The following ERCC6L variants were observed in gnomAD, a reference collection of about 807,000 sequenced individuals.
The protein encoded by ERCC6L is ERCC excision repair 6 like, spindle assembly checkpoint helicase, also known as DNA excision repair protein ERCC-6-like.
Under a neutral mutation model 20.1 loss-of-function variants are expected in ERCC6L, and 7 were observed. The observed-to-expected ratio is 0.35, with a 90% CI of 0.20 to 0.65. The LOEUF (loss-of-function observed/expected upper bound fraction) is 0.65. Among genes scored for constraint, ERCC6L ranks in the 30% least tolerant of loss-of-function variants. The pLI is 0.69. For synonymous variants in ERCC6L, 278 were observed against 331.3 expected (o/e 0.84, Z 1.75); for missense variants, 592 against 892.4 (o/e 0.66, Z 4.29).
At position 72,204,981 on chromosome X, in the gene ERCC6L, T is replaced by G; in HGVS notation, c.*33A>C. 9.1e-7 allele frequency: 1 copy of G among 1,104,331 alleles called. No homozygotes were observed. The highest frequency in any genetic ancestry group is 1.2e-6 in the Non-Finnish European group (1 of 825,583). 91.0% of individuals were successfully genotyped at this position (1,104,331 alleles called of 1,213,427 possible). A position where few individuals can be genotyped will look rare whatever the true frequency, so the allele number is the denominator to read the frequency against. On this transcript the variant is annotated 3_prime_UTR_variant, in exon 2 of 2. Coordinates refer to ENST00000334463, the MANE Select transcript of ERCC6L (RefSeq NM_017669.4). The stretch of plus-strand genomic sequence containing the variant: ...GAACAAAAATTCCCTCATATTCAGT[T>G]TCACTTTAAAATACAATAAACAGGT...
chrX:72,233,087 T>A (rs1792489495), intron 1 of ERCC6L, among the ~76,000 whole-genome samples: 1 of 111,678 alleles, frequency 9.0e-6, no homozygotes, highest in African/African-American at 3.3e-5. Flanking sequence ...AAAGGAGGAA[T>A]CAGATTGTAA....
intron 1 of ERCC6L, among the ~76,000 whole-genome samples, chrX:72,217,324 G>C (rs1210635286): frequency 8.9e-6 from 1 of 111,908 alleles, no homozygotes; most frequent in Non-Finnish European, 1.9e-5. Flanking sequence ...GGGTATAAAG[G>C]ACCTAAAAGA....
At chrX:72,215,513 T>C (rs1240275877) in intron 1 of ERCC6L, among the ~76,000 whole-genome samples, 1 of 111,753 alleles carries the variant, frequency 8.9e-6, no homozygotes, top group East Asian at 2.8e-4. Flanking sequence ...GATGGATTGA[T>C]GGAATAGATG....
intron 1 of ERCC6L, among the ~76,000 whole-genome samples, chrX:72,237,108 G>A (rs2043021214): frequency 8.9e-6 from 1 of 111,931 alleles, no homozygotes; most frequent in African/African-American, 3.2e-5. Flanking sequence ...CCCAGCAATC[G>A]GAATTCCAAA....
rs1008019916 is a variant in ERCC6L at position 72,228,737 on chromosome X, C to T, written c.68+10107G>A. On this transcript the variant is annotated intron_variant, in intron 1 of 1. Coordinates refer to ENST00000334463, the MANE Select transcript of ERCC6L (RefSeq NM_017669.4). ...TTACTCTTACCCAAATAACCTTTTTCGCTTTTTGCTTGTTTTTTTTTCAAT... is the reference window on the plus strand; with the variant it reads ...TTACTCTTACCCAAATAACCTTTTTTGCTTTTTGCTTGTTTTTTTTTCAAT... 5.4e-5 allele frequency among the ~76,000 whole-genome samples: 6 copies of T among 111,141 alleles called. No individual in the cohort carries two copies. In the East Asian group the frequency reaches 8.5e-4, roughly 16 times the overall value.
chrX:72,218,987 G>A (rs866855375), intron 1 of ERCC6L, among the ~76,000 whole-genome samples: 1 of 112,836 alleles, frequency 8.9e-6, no homozygotes, highest in Middle Eastern at 4.6e-3. Flanking sequence ...TGGGCACAGT[G>A]GCCCACGCCT....
rs2042819326 is a variant in ERCC6L, at chrX:72,206,286, G to T, written c.2481C>A (p.Asn827Lys). ...GFGSVEELCT[N>K]SSLGMEKSFA... The stretch of plus-strand genomic sequence containing the variant: ...AGCTTTTTTCCATTCCCAATGAAGA[G>T]TTAGTACAAAGTTCTTCTACACTTC... Residue 827 changes from asparagine (N) to lysine (K), a missense_variant, in exon 2 of 2, where the codon AAC becomes AAA. Around this residue, in one of 3 missense-constraint regions of ERCC6L, gnomAD observed 352 missense variants for 402.6 expected, o/e 0.87. Coordinates refer to ENST00000334463, the MANE Select transcript of ERCC6L (RefSeq NM_017669.4). 2.5e-6 allele frequency: 3 copies of T among 1,208,431 alleles called. No individual in the cohort carries two copies. The East Asian group carries it at 8.9e-5, about 36-fold the overall frequency.
At chrX:72,234,434 G>A (rs1442962222) in intron 1 of ERCC6L, among the ~76,000 whole-genome samples, 2 of 112,024 alleles carry the variant, frequency 1.8e-5, no homozygotes, top group African/African-American at 6.5e-5. Context: ...AAAGTGATGG[G>A]GTGAAAACCT....
intron 1 of ERCC6L, among the ~76,000 whole-genome samples, chrX:72,213,760 C>T (rs765729902): frequency 2.7e-5 from 3 of 112,098 alleles, no homozygotes; most frequent in Non-Finnish European, 5.6e-5. Flanking sequence ...CCATGACCCA[C>T]GGCTTCTAAT....
intron 1 of ERCC6L, among the ~76,000 whole-genome samples, chrX:72,230,334 C>T (rs1353832959): frequency 5.4e-5 from 6 of 110,598 alleles, no homozygotes; most frequent in East Asian, 5.7e-4. Flanking sequence ...TGAGATAACC[C>T]GCCTTGGCTG....
chrX:72,221,263 T>G (rs1283152646), intron 1 of ERCC6L, among the ~76,000 whole-genome samples: 1 of 111,923 alleles, frequency 8.9e-6, no homozygotes, highest in Non-Finnish European at 1.9e-5. Flanking sequence ...CATTGGACAC[T>G]AATCCAGCCA....
At chrX:72,213,669 C>T (rs970275595) in intron 1 of ERCC6L, among the ~76,000 whole-genome samples, 1 of 112,208 alleles carries the variant, frequency 8.9e-6, no homozygotes, top group Admixed American at 9.4e-5. Flanking sequence ...GCTAAAGGCT[C>T]GCCATTGTTC....
intron 1 of ERCC6L, among the ~76,000 whole-genome samples, chrX:72,232,416 C>CAA (rs11302655): frequency 2.9e-4 from 10 of 35,003 alleles, no homozygotes; most frequent in Non-Finnish European, 3.7e-4. Flanking sequence ...AGACCTGCCT[C>CAA]AAAAAAAAAA....
In ERCC6L at chrX:72,223,328, G is replaced by A. The variant is rs1345526297; in HGVS notation, c.69-14630C>T. Among the ~76,000 whole-genome samples, 3 of 92,485 alleles carry A rather than the reference G, an allele frequency of 3.2e-5. No individual in the cohort carries two copies. The East Asian group carries it at 1.3e-3, about 39-fold the overall frequency. The allele number at this position is 92,485 out of a possible 115,157, so 80.3% of individuals were successfully genotyped here. ...GCACTCCAGCCTGGGCAAAAAGAGT[G>A]AAACTCTGTCTTAAAAAAAAAAAAA... On this transcript the variant is annotated intron_variant, in intron 1 of 1. Coordinates refer to ENST00000334463, the MANE Select transcript of ERCC6L (RefSeq NM_017669.4).
intron 1 of ERCC6L, among the ~76,000 whole-genome samples, chrX:72,213,682 G>A (rs1445295761): frequency 1.8e-5 from 2 of 112,192 alleles, no homozygotes; most frequent in Admixed American, 9.4e-5. Flanking sequence ...CATTGTTCCT[G>A]CATGGCTAAG....
At chrX:72,226,334 T>C (rs1458791255) in intron 1 of ERCC6L, among the ~76,000 whole-genome samples, 1 of 112,161 alleles carries the variant, frequency 8.9e-6, no homozygotes, top group East Asian at 2.8e-4. Context: ...AGGGATATCA[T>C]GATGATACCC....
At chrX:72,223,669 G>A (rs1366857125) in intron 1 of ERCC6L, among the ~76,000 whole-genome samples, 1 of 111,450 alleles carries the variant, frequency 9.0e-6, no homozygotes, top group African/African-American at 3.3e-5. Flanking sequence ...AAGGCCTTCC[G>A]TGTCTTTAAC....
intron 1 of ERCC6L, 117 bp downstream of exon 1, chrX:72,238,727 G>A: frequency 3.2e-6 from 2 of 629,514 alleles, no homozygotes; most frequent in Admixed American, 6.7e-5. Context: ...GAGCGCGAGC[G>A]CGCGTCTCAA....
intron 1 of ERCC6L, among the ~76,000 whole-genome samples, chrX:72,238,551 TAAGCTGAAAAGAATC>T (rs1348967671): frequency 8.9e-6 from 1 of 112,526 alleles, no homozygotes; most frequent in African/African-American, 3.2e-5. Context: ...TAGGGCTTGA[TAAGCTGAAAAGAATC>T]AAGAAGGGCT....
Sources: allele counts gnomAD v4.1 joint callset (sites outside exome capture counted in the v4.1 genomes callset), GRCh38; gene constraint gnomAD v4.1.1; regional missense constraint gnomAD v4.1.1; transcripts MANE v1.5; gene names NCBI Gene and HGNC (gene_info 2026-07-23, HGNC 2026-07-21).